ZBTB45: variants seen among roughly 807,000 people sequenced by gnomAD.
ZBTB45 encodes the protein zinc finger and BTB domain containing 45.
Under a neutral mutation model 28.4 loss-of-function variants are expected in ZBTB45, and 22 were observed. The ratio of observed to expected loss-of-function variants is 0.77; its 90% CI spans 0.55 to 1.10. ZBTB45 has a LOEUF of 1.10. Ranked by LOEUF, ZBTB45 falls within the 50% of genes least tolerant of loss-of-function variation. ZBTB45 has a pLI of 0.00. For missense variants in ZBTB45, 656 were observed against 750.2 expected (o/e 0.87, Z 1.47); for synonymous variants, 361 against 332.3 (o/e 1.09, Z -0.94).
rs373266711 is a variant in ZBTB45, at chr19:58,516,748, T to C, written c.926A>G (p.Gln309Arg). The change falls in exon 2 of 3, where the codon CAG becomes CGG. Residue 309 changes from glutamine to arginine, a missense_variant. Transcript: ENST00000594051. This position sits in a 1 kb window ranked among gnomAD's most constrained non-coding sequence, Gnocchi z 6.2. ...PEGCPTETPV[Q>R]PDCILSGSRP... ...GGATCCAGACAGTATGCAGTCGGGC[T>C]GGACAGGGGTCTCAGTGGGACAGCC... The C allele has an allele frequency of 6.2e-7, 1 of 1,612,354 alleles. No individual in the cohort carries two copies. The highest frequency in any genetic ancestry group is 8.5e-7 in the Non-Finnish European group (1 of 1,179,210).
chr19:58,530,228 C>CACACAT (rs1392514346), intron 1 of ZBTB45, among the ~76,000 whole-genome samples: 2 of 151,584 alleles, frequency 1.3e-5, no homozygotes, highest in African/African-American at 4.8e-5. Flanking sequence ...CACACACACA[C>CACACAT]ACACACACCT....
At chr19:58,536,529 G>A (rs1049154891) in intron 1 of ZBTB45, among the ~76,000 whole-genome samples, 6 of 151,446 alleles carry the variant, frequency 4.0e-5, no homozygotes, top group Non-Finnish European at 8.8e-5. Flanking sequence ...TGTAATTCCA[G>A]CTACTCAGGA....
rs2053448911 is a variant in ZBTB45, at chr19:58,513,895, A to C, written c.*159T>G. The C allele has an allele frequency of 1.1e-6, 1 of 921,248 alleles. No homozygotes were observed. The highest frequency in any genetic ancestry group is 4.2e-5 in the Admixed American group (1 of 24,088). The allele number at this position is 921,248 out of a possible 1,614,324, so 57.1% of individuals were successfully genotyped here. ...TACATGGAGGAGAGGAGTAAGGCGG[A>C]CTTAGGCCCTGGTATGGAGAAAGGG... On this transcript the variant is annotated 3_prime_UTR_variant, in exon 3 of 3. Transcript: ENST00000594051.
intron 1 of ZBTB45, among the ~76,000 whole-genome samples, chr19:58,538,287 C>T (rs1404206582): frequency 1.3e-5 from 2 of 151,972 alleles, no homozygotes; most frequent in East Asian, 1.9e-4. Context: ...GCGATCATAG[C>T]TCACTGCAGC....
At position 58,516,238 on chromosome 19, in the gene ZBTB45, C is replaced by A. The variant is rs896834802; in HGVS notation, c.1279+157G>T. ...CACAGAGTGGGGCTTTCCCCTCCCC[C>A]ACATACCTTGCACTTGGGGGAAGGC... On this transcript the variant is annotated intron_variant, in intron 2 of 2. Coordinates refer to ENST00000594051, the MANE Select transcript of ZBTB45 (RefSeq NM_001316979.2). This position sits in a 1 kb window ranked among gnomAD's most constrained non-coding sequence, Gnocchi z 6.2. Among the ~76,000 whole-genome samples, 13 of 152,186 alleles carry A rather than the reference C, an allele frequency of 8.5e-5. No individual in the cohort carries two copies. Among genetic ancestry groups the A allele is most frequent in the Non-Finnish European group, 1.9e-4 (13 of 68,032 alleles).
chr19:58,525,124 A>G (rs2053601019), intron 1 of ZBTB45, among the ~76,000 whole-genome samples: 1 of 152,014 alleles, frequency 6.6e-6, no homozygotes, highest in African/African-American at 2.4e-5. Flanking sequence ...GCTGTGCCTG[A>G]TTCCATCTCA....
chr19:58,526,276 C>T (rs912840695), intron 1 of ZBTB45, among the ~76,000 whole-genome samples: 4 of 152,080 alleles, frequency 2.6e-5, no homozygotes, highest in Non-Finnish European at 5.9e-5. Context: ...ATGGCACAAT[C>T]ACAGCTCACT....
At position 58,516,468 on chromosome 19, in the gene ZBTB45, C is replaced by G. The variant is rs377181281; in HGVS notation, c.1206G>C (p.Thr402=). The G allele has an allele frequency of 4.3e-6, 7 of 1,613,744 alleles. No individual in the cohort carries two copies. The African/African-American group carries it at 9.3e-5, about 22-fold the overall frequency. Residue 402 remains threonine, a synonymous_variant, in exon 2 of 3, where the codon ACG becomes ACC. Coordinates refer to ENST00000594051, the MANE Select transcript of ZBTB45 (RefSeq NM_001316979.2). The surrounding 1 kb of genome is among the most constrained non-coding windows in gnomAD (Gnocchi z 6.2). ...PARTPGAEPP[T]YECSHCRKTF... is the part of the protein sequence containing the mutation. ...TCTTGCGACAGTGGCTGCACTCATA[C>G]GTAGGTGGCTCAGCACCTGGGGTGC...
At position 58,517,161 on chromosome 19, in the gene ZBTB45, A is replaced by C. The variant is rs909314653; in HGVS notation, c.513T>G (p.Arg171=). 1.2e-6 allele frequency: 2 copies of C among 1,611,408 alleles called. No homozygotes were observed. The highest frequency in any genetic ancestry group is 1.7e-6 in the Non-Finnish European group (2 of 1,179,262). ...GCAAACGCGCGGGCTGGCGCTGCTT[A>C]CGGCTGTGTGCAGCACCGGGGTGCC... The part of the protein sequence containing the change: ...PPGHPGAAHS[R]KQRQPARLQL... Residue 171 remains arginine, a synonymous_variant, in exon 2 of 3, where the codon CGT becomes CGG. Transcript: ENST00000594051.
upstream of ZBTB45, among the ~76,000 whole-genome samples, chr19:58,520,998 G>C (rs1020286218): frequency 7.5e-6 from 1 of 132,990 alleles, no homozygotes; most frequent in African/African-American, 2.9e-5. Flanking sequence ...CTTGAAGTGA[G>C]CTGAGATCGC....
chr19:58,525,481 A>G (rs2053602507), intron 1 of ZBTB45, among the ~76,000 whole-genome samples: 1 of 152,186 alleles, frequency 6.6e-6, no homozygotes, highest in Non-Finnish European at 1.5e-5. Flanking sequence ...CAGAGAAGAC[A>G]TGGGAGCCGT....
In ZBTB45 at chr19:58,515,927, G is replaced by A. The variant is rs1489708708; in HGVS notation, c.1279+468C>T. Among the ~76,000 whole-genome samples the A allele has an allele frequency of 6.6e-6, 1 of 152,098 alleles. No homozygotes were observed. Among genetic ancestry groups the A allele is most frequent in the African/African-American group, 2.4e-5 (1 of 41,392 alleles). ...CATGCCCCAGTCTCAGGAGTTCCTG[G>A]GGCCTTCATCCCACCACCTCTGAGG... is the stretch of plus-strand genomic sequence containing the variant. On this transcript the variant is annotated intron_variant, in intron 2 of 2. Transcript: ENST00000594051. The surrounding 1 kb of genome is among the most constrained non-coding windows in gnomAD (Gnocchi z 4.7).
intron 1 of ZBTB45, among the ~76,000 whole-genome samples, chr19:58,525,034 G>A (rs531118254): frequency 6.6e-6 from 1 of 152,192 alleles, no homozygotes; most frequent in African/African-American, 2.4e-5. Flanking sequence ...GGCCTCCTCA[G>A]CTGGCTAAGG....
rs1382155215 is a variant in ZBTB45 at position 58,517,261 on chromosome 19, G to C, written c.413C>G (p.Thr138Ser). Reference protein sequence around the residue: ...PGTSAPTPLPTPVPPPLAPAQ... With the variant: ...PGTSAPTPLPSPVPPPLAPAQ... ...AGGTGCGAGTGGCGGGGGCACAGGGGTGGGCAGGGGCGTGGGCGCAGAGGT... is the reference window on the plus strand; with the variant it reads ...AGGTGCGAGTGGCGGGGGCACAGGGCTGGGCAGGGGCGTGGGCGCAGAGGT... The change falls in exon 2 of 3, where the codon ACC becomes AGC. Residue 138 changes from threonine to serine, a missense_variant. Thr to Ser is a moderately conservative substitution (Grantham distance 58). Around this residue, in one of 3 missense-constraint regions of ZBTB45, gnomAD observed 448 missense variants for 444.3 expected, o/e 1.01. Transcript: ENST00000594051. 1 of 1,583,528 alleles carries C rather than the reference G, an allele frequency of 6.3e-7. No homozygotes were observed. The highest frequency in any genetic ancestry group is 8.6e-7 in the Non-Finnish European group (1 of 1,167,846).
upstream of ZBTB45, among the ~76,000 whole-genome samples, chr19:58,520,779 G>C (rs911674334): frequency 6.6e-6 from 1 of 152,134 alleles, no homozygotes; most frequent in African/African-American, 2.4e-5. Context: ...CTCATGGCCC[G>C]GCGCAGTGGC....
chr19:58,514,401 T>C, intron 2 of ZBTB45, 91 bp from the exon 3 acceptor site: 2 of 1,344,062 alleles, frequency 1.5e-6, no homozygotes, highest in Non-Finnish European at 1.9e-6. Flanking sequence ...CTCCTGGACC[T>C]AGCAGGGGCT....
intron 1 of ZBTB45, among the ~76,000 whole-genome samples, chr19:58,530,155 G>A (rs1039551578): frequency 6.6e-6 from 1 of 151,866 alleles, no homozygotes; most frequent in African/African-American, 2.4e-5. Context: ...AGTGAGCCAT[G>A]ATGGCACCAC....
chr19:58,514,926 G>A (rs1354765249), intron 2 of ZBTB45, among the ~76,000 whole-genome samples: 1 of 152,148 alleles, frequency 6.6e-6, no homozygotes, highest in African/African-American at 2.4e-5. Context: ...ACCCCTGCCC[G>A]CTGGCCACTA....
At chr19:58,530,784 C>T (rs1600069917) in intron 1 of ZBTB45, among the ~76,000 whole-genome samples, 1 of 148,976 alleles carries the variant, frequency 6.7e-6, no homozygotes, top group East Asian at 2.0e-4. Context: ...CCCGGGTTCA[C>T]GCCATTCTCC....
Sources: gnomAD v4.1 joint callset for allele counts (sites outside exome capture counted in the v4.1 genomes callset) on GRCh38, gnomAD v4.1.1 for gene constraint, gnomAD v4.1.1 regional missense constraint, Gnocchi (gnomAD v3.1) non-coding constraint, MANE v1.5 for transcripts, NCBI Gene and HGNC (gene_info 2026-07-23, HGNC 2026-07-21) for gene names.